The following NEK7 variants were observed in gnomAD, a reference collection of about 807,000 sequenced individuals.
NEK7 encodes the protein serine/threonine-protein kinase Nek7.
A neutral mutation model predicts 44.6 loss-of-function variants in NEK7; 18 were observed. That is an observed-to-expected ratio of 0.40 (90% CI 0.28 to 0.60). The LOEUF (loss-of-function observed/expected upper bound fraction) is 0.60, where lower values mean the gene tolerates loss of function less well. Ranked by LOEUF, NEK7 falls within the 20% of genes least tolerant of loss-of-function variation. NEK7 has a pLI of 0.38. For missense variants in NEK7, 256 were observed against 366.5 expected, an observed-to-expected ratio of 0.70 and a Z score of 2.46; for synonymous variants, 130 against 121.1, an observed-to-expected ratio of 1.07 and a Z score of -0.48.
rs1443641835 is a variant in NEK7, at chr1:198,297,104, G to A, written c.685-23G>A. 6.1e-6 allele frequency: 9 copies of A among 1,483,814 alleles called. No individual in the cohort carries two copies. The African/African-American group carries it at 9.7e-5, about 16-fold the overall frequency. The allele number at this position is 1,483,814 out of a possible 1,614,324, so 91.9% of individuals were successfully genotyped here. ...TTTAAGTTACCATCTAACTATATCA[G>A]TTTCATTGGGGGCATTTTACAGATG... On this transcript the variant is annotated intron_variant, in intron 8 of 9. Transcript: ENST00000367385.
At chr1:198,314,100 A>AGATTTG (rs1468145244) in intron 9 of NEK7, among the ~76,000 whole-genome samples, 1 of 152,060 alleles carries the variant, frequency 6.6e-6, no homozygotes, top group Non-Finnish European at 1.5e-5. Flanking sequence ...CCTTTCACAT[A>AGATTTG]GTCCCATATT....
chr1:198,226,407 TG>T (rs1187605930), intron 1 of NEK7, among the ~76,000 whole-genome samples: 1 of 151,912 alleles, frequency 6.6e-6, no homozygotes, highest in Admixed American at 6.6e-5. Context: ...TAGCTGGGCG[TG>T]GTGGCACACA....
chr1:198,159,074 C>G (rs939355152), intron 1 of NEK7, among the ~76,000 whole-genome samples: 3 of 152,140 alleles, frequency 2.0e-5, no homozygotes, highest in Non-Finnish European at 2.9e-5. Context: ...CCCGGGAGCC[C>G]GGAGGACCCT....
intron 2 of NEK7, among the ~76,000 whole-genome samples, chr1:198,247,499 G>A (rs1312625080): frequency 1.3e-5 from 2 of 152,168 alleles, no homozygotes; most frequent in Non-Finnish European, 2.9e-5. Context: ...TACAGTGCCT[G>A]TTAAGTTGTG....
chr1:198,267,483 G>A (rs112305913), intron 5 of NEK7, among the ~76,000 whole-genome samples: 15,253 of 151,736 alleles, frequency 0.1, 1,020 homozygotes, highest in East Asian at 0.22. Flanking sequence ...TCACTCTGTC[G>A]CCCAGGGTGG....
intron 1 of NEK7, among the ~76,000 whole-genome samples, chr1:198,180,569 T>G (rs1664736616): frequency 6.6e-6 from 1 of 152,062 alleles, no homozygotes; most frequent in African/African-American, 2.4e-5. Context: ...TTGTTGTTAT[T>G]TAACACATTT....
intron 1 of NEK7, among the ~76,000 whole-genome samples, chr1:198,205,203 G>C (rs900656275): frequency 3.9e-5 from 6 of 152,098 alleles, no homozygotes; most frequent in East Asian, 3.8e-4. Context: ...CTTTATTAGT[G>C]GGGCCAAAAA....
chr1:198,291,323 C>A (rs866458885), intron 7 of NEK7, among the ~76,000 whole-genome samples: 23 of 152,130 alleles, frequency 1.5e-4, no homozygotes, highest in African/African-American at 5.1e-4. Flanking sequence ...TACCTACCAT[C>A]CTTCCTTAAA....
chr1:198,277,802 T>C, intron 5 of NEK7, 159 bp from the exon 6 acceptor site: 1 of 564,524 alleles, frequency 1.8e-6, no homozygotes, highest in East Asian at 2.9e-5. Flanking sequence ...TTATGTCAGA[T>C]AAAATTATTG....
At chr1:198,207,130 A>G (rs1369222602) in intron 1 of NEK7, 1 of 152,148 alleles carries the variant, frequency 6.6e-6, no homozygotes, top group Admixed American at 6.5e-5. Context: ...CAAATTCAGT[A>G]GGCAAATATG....
chr1:198,314,482 GCA>G (rs1375199575), intron 9 of NEK7, among the ~76,000 whole-genome samples: 1,755 of 152,318 alleles, frequency 0.012, 32 homozygotes, highest in African/African-American at 0.04. Flanking sequence ...GTGAGGAACT[GCA>G]TTCCTTTGGA....
At chr1:198,170,006 G>T (rs3814322) in intron 1 of NEK7, among the ~76,000 whole-genome samples, 22,641 of 152,182 alleles carry the variant, frequency 0.15, 1,862 homozygotes, top group East Asian at 0.22. Flanking sequence ...GGAATGCCCA[G>T]AACAATTGAG....
At chr1:198,164,066 C>T (rs6701303) in intron 1 of NEK7, among the ~76,000 whole-genome samples, 22,337 of 151,950 alleles carry the variant, frequency 0.15, 1,809 homozygotes, top group East Asian at 0.22. Context: ...CATGACAAAA[C>T]CCCATCTTTA....
At chr1:198,302,330 C>T (rs1654913669) in intron 9 of NEK7, among the ~76,000 whole-genome samples, 1 of 148,744 alleles carries the variant, frequency 6.7e-6, no homozygotes. Flanking sequence ...GACTTTCTTT[C>T]TTAGGTGGAC....
rs1374634708 is a variant in NEK7, at chr1:198,277,755, G to A, written c.373-206G>A. On this transcript the variant is annotated intron_variant, in intron 5 of 9. Transcript: ENST00000367385. The stretch of plus-strand genomic sequence containing the variant: ...AAAAAGGTACTGTTACACAGTTTCC[G>A]CTAACCTTAGTTATAATAGGAAAAA... 26 of 478,720 alleles carry A rather than the reference G, an allele frequency of 5.4e-5. No individual in the cohort carries two copies. The Admixed American group carries it at 6.5e-4, about 12-fold the overall frequency. 29.7% of individuals were successfully genotyped at this position (478,720 alleles called of 1,614,324 possible).
chr1:198,231,313 A>G (rs866284648), intron 1 of NEK7, among the ~76,000 whole-genome samples: 21 of 136,374 alleles, frequency 1.5e-4, no homozygotes, highest in South Asian at 6.7e-4. Flanking sequence ...ATATATATAT[A>G]TATATATATA....
chr1:198,300,931 T>A (rs1006209105), intron 9 of NEK7, among the ~76,000 whole-genome samples: 2 of 152,356 alleles, frequency 1.3e-5, no homozygotes, highest in African/African-American at 4.8e-5. Context: ...TTCTCTGTAA[T>A]GCCAGGTGTC....
chr1:198,186,302 T>G (rs1664924680), intron 1 of NEK7, among the ~76,000 whole-genome samples: 1 of 152,248 alleles, frequency 6.6e-6, no homozygotes, highest in Non-Finnish European at 1.5e-5. Flanking sequence ...TTGAAACCAT[T>G]AAATATTTAG....
At chr1:198,295,365 A>G (rs1432109275) in intron 8 of NEK7, among the ~76,000 whole-genome samples, 1 of 152,166 alleles carries the variant, frequency 6.6e-6, no homozygotes, top group African/African-American at 2.4e-5. Flanking sequence ...CAGGAAAGTC[A>G]GACCCTGGAG....
Sources: gnomAD v4.1 joint callset for allele counts (sites outside exome capture counted in the v4.1 genomes callset) on GRCh38, gnomAD v4.1.1 for gene constraint, MANE v1.5 for transcripts, NCBI Gene and HGNC (gene_info 2026-07-23, HGNC 2026-07-21) for gene names.